The following NDUFA10 variants were observed in gnomAD, a reference collection of about 807,000 sequenced individuals.
The protein encoded by NDUFA10 is NADH:ubiquinone oxidoreductase subunit A10.
In NDUFA10, 40 loss-of-function variants were observed where a neutral mutation model predicts 47.8. The ratio of observed to expected loss-of-function variants is 0.84; its 90% CI spans 0.65 to 1.09. The LOEUF (loss-of-function observed/expected upper bound fraction) is 1.09, where lower values mean the gene tolerates loss of function less well. NDUFA10 is among the 50% of genes least tolerant of loss of function. NDUFA10 has a pLI of 0.00. For synonymous variants in NDUFA10, 183 were observed against 172.2 expected, an observed-to-expected ratio of 1.06 and a Z score of -0.49; for missense variants, 413 against 451.1, an observed-to-expected ratio of 0.92 and a Z score of 0.76.
rs570393584 is a variant in NDUFA10, at chr2:239,914,498, TACAC to T, written c.295-19188_295-19185del. ...ACACAAATATAGACACACACAGAGATACACAAACATACACACAGAACACACACAT... is the reference window on the plus strand; with the variant it reads ...ACACAAATATAGACACACACAGAGATAAACATACACACAGAACACACACAT... On this transcript the variant is annotated intron_variant, in intron 4 of 5. Coordinates refer to the NDUFA10 transcript ENST00000419408. Among the ~76,000 whole-genome samples, 156 of 118,978 alleles carry T rather than the reference TACAC, an allele frequency of 1.3e-3. 4 individuals carry two copies. Among genetic ancestry groups the T allele is most frequent in the African/African-American group, 5.0e-3 (148 of 29,656 alleles). The allele number at this position is 118,978 out of a possible 152,430, so 78.1% of individuals were successfully genotyped here.
chr2:239,920,001 C>T (rs1321189240), intron 4 of NDUFA10, among the ~76,000 whole-genome samples: 1 of 152,148 alleles, frequency 6.6e-6, no homozygotes, highest in African/African-American at 2.4e-5. Context: ...TGCCCCAGCA[C>T]CTGTGAGATT....
At chr2:239,911,950 G>A (rs1407653986) in intron 4 of NDUFA10, among the ~76,000 whole-genome samples, 1 of 152,098 alleles carries the variant, frequency 6.6e-6, no homozygotes, top group African/African-American at 2.4e-5. Flanking sequence ...AGCCCTGGGG[G>A]GTTTCCTGGG....
chr2:239,920,158 T>C (rs952097439), intron 4 of NDUFA10, among the ~76,000 whole-genome samples: 2 of 152,186 alleles, frequency 1.3e-5, no homozygotes, highest in Non-Finnish European at 2.9e-5. Flanking sequence ...ATGATGGGAC[T>C]GGGACAGCAG....
chr2:239,991,850 G>A (rs577000904), intron 8 of NDUFA10, among the ~76,000 whole-genome samples: 9 of 152,280 alleles, frequency 5.9e-5, no homozygotes, highest in South Asian at 2.1e-4. Context: ...TAGAAAATGC[G>A]AAAGCAATCA....
chr2:240,006,908 T>C (rs753949165), intron 7 of NDUFA10, among the ~76,000 whole-genome samples: 9 of 152,246 alleles, frequency 5.9e-5, no homozygotes, highest in Non-Finnish European at 1.2e-4. Flanking sequence ...TGTTTTAATG[T>C]TTGTCTGGCT....
At chr2:239,951,925 G>A (rs188226554) in intron 4 of NDUFA10, among the ~76,000 whole-genome samples, 3 of 152,356 alleles carry the variant, frequency 2.0e-5, no homozygotes, top group East Asian at 1.9e-4. Flanking sequence ...CCAGGCTCCT[G>A]CCTGGCTCTG....
intron 4 of NDUFA10, among the ~76,000 whole-genome samples, chr2:239,920,674 G>A (rs775398699): frequency 1.3e-5 from 2 of 152,212 alleles, no homozygotes; most frequent in Non-Finnish European, 2.9e-5. Context: ...AACTCTGAAG[G>A]TAAAGGAAGG....
chr2:239,916,324 CAT>C (rs1693879443), intron 4 of NDUFA10, among the ~76,000 whole-genome samples: 2 of 151,378 alleles, frequency 1.3e-5, no homozygotes, highest in South Asian at 2.1e-4. Context: ...GATACACAAA[CAT>C]ACACACATGC....
chr2:239,952,113 T>C (rs1387014713), intron 4 of NDUFA10, among the ~76,000 whole-genome samples: 1 of 152,042 alleles, frequency 6.6e-6, no homozygotes, highest in Admixed American at 6.5e-5. Flanking sequence ...CAGCAACACA[T>C]GTGCCACACC....
In NDUFA10 at chr2:239,935,522, AGAGTT is replaced by A. The variant is rs201280024; in HGVS notation, c.295-40213_295-40209del. Among the ~76,000 whole-genome samples the A allele has an allele frequency of 9.9e-3, 1,514 of 152,286 alleles. 21 individuals are homozygous for A. Among genetic ancestry groups the A allele is most frequent in the African/African-American group, 0.032 (1,318 of 41,558 alleles). On this transcript the variant is annotated intron_variant, in intron 4 of 5. Coordinates refer to the NDUFA10 transcript ENST00000419408. ...CTCATGGTGCGTAATATTTTCCCAC[AGAGTT>A]GAGGACGGGGACTCCCTGGCTGTCT...
At chr2:239,901,324 G>A (rs985839170) in intron 4 of NDUFA10, among the ~76,000 whole-genome samples, 3 of 152,108 alleles carry the variant, frequency 2.0e-5, no homozygotes, top group African/African-American at 4.8e-5. Flanking sequence ...CTATGATCAC[G>A]CCACTGCCTG....
At chr2:239,988,019 C>G (rs1280806958) in intron 9 of NDUFA10, among the ~76,000 whole-genome samples, 3 of 152,042 alleles carry the variant, frequency 2.0e-5, no homozygotes, top group Non-Finnish European at 2.9e-5. Context: ...ATACATAGAA[C>G]AGGTAGAAAA....
At chr2:239,996,277 T>A (rs577630210) in intron 8 of NDUFA10, among the ~76,000 whole-genome samples, 4 of 152,228 alleles carry the variant, frequency 2.6e-5, no homozygotes, top group South Asian at 2.1e-4. Flanking sequence ...CTAATCAAGA[T>A]AGGAAACACT....
At chr2:239,994,642 G>A (rs778215532) in intron 8 of NDUFA10, among the ~76,000 whole-genome samples, 1 of 152,172 alleles carries the variant, frequency 6.6e-6, no homozygotes, top group Non-Finnish European at 1.5e-5. Flanking sequence ...GCCCCAGTCT[G>A]TGTAAAAACT....
chr2:239,913,634 G>A (rs756428493), intron 4 of NDUFA10, among the ~76,000 whole-genome samples: 24 of 152,356 alleles, frequency 1.6e-4, no homozygotes, highest in Non-Finnish European at 2.5e-4. Flanking sequence ...GCATGTATGC[G>A]TCAGGCTCAC....
At chr2:239,972,352 T>C (rs1695338170) in intron 9 of NDUFA10, among the ~76,000 whole-genome samples, 1 of 152,184 alleles carries the variant, frequency 6.6e-6, no homozygotes, top group South Asian at 2.1e-4. Flanking sequence ...CAATGGGTTA[T>C]GCCAAGCATG....
chr2:240,017,044 G>T (rs1432576663), intron 4 of NDUFA10, among the ~76,000 whole-genome samples: 2 of 152,054 alleles, frequency 1.3e-5, no homozygotes, highest in African/African-American at 4.8e-5. Context: ...ACTGCCCAGT[G>T]CAGCCTCCCT....
chr2:239,907,182 G>A (rs1693669338), intron 4 of NDUFA10, among the ~76,000 whole-genome samples: 1 of 152,164 alleles, frequency 6.6e-6, no homozygotes, highest in African/African-American at 2.4e-5. Context: ...TTAATAAATG[G>A]TGCTGGGAAA....
At chr2:240,018,939 C>T (rs1184622383) in intron 3 of NDUFA10, among the ~76,000 whole-genome samples, 1 of 152,122 alleles carries the variant, frequency 6.6e-6, no homozygotes, top group Non-Finnish European at 1.5e-5. Flanking sequence ...AGTGCCCACC[C>T]CCATCCTGCT....
Sources: gnomAD v4.1 joint callset for allele counts (sites outside exome capture counted in the v4.1 genomes callset) on GRCh38, gnomAD v4.1.1 for gene constraint, MANE v1.5 for transcripts, NCBI Gene and HGNC (gene_info 2026-07-23, HGNC 2026-07-21) for gene names.